Variants in MARCHF1 observed in about 807,000 individuals in gnomAD.
MARCHF1 encodes E3 ubiquitin-protein ligase MARCHF1.
MARCHF1 carries 40 observed loss-of-function variants against 54.2 expected under a neutral mutation model. That is an observed-to-expected ratio of 0.74 (90% CI 0.57 to 0.96). The LOEUF is 0.96. Ranked by LOEUF, MARCHF1 falls within the 40% of genes least tolerant of loss-of-function variation. The pLI, the probability that MARCHF1 is intolerant of heterozygous loss-of-function variation, is 0.00. For missense variants in MARCHF1, 586 were observed against 656.5 expected, an observed-to-expected ratio of 0.89 and a Z score of 1.17; for synonymous variants, 236 against 236.3, an observed-to-expected ratio of 1.00 and a Z score of 0.01.
chr4:164,318,607 A>G lies in MARCHF1; in HGVS notation c.-323+65263T>C, dbSNP rs1735060871. 3.9e-5 allele frequency among the ~76,000 whole-genome samples: 6 copies of G among 152,356 alleles called. No homozygotes were observed. In the South Asian group the frequency reaches 1.2e-3, roughly 32 times the overall value. ...ATTGCTTTGAGTTTCATACAATGAA[A>G]AACAAGGATAATTGGCCTATAGAAA... is the stretch of plus-strand genomic sequence containing the variant. On this transcript the variant is annotated intron_variant, in intron 1 of 9. Coordinates refer to ENST00000514618, the MANE Select transcript of MARCHF1 (RefSeq NM_001394959.1).
chr4:163,827,208 C>T (rs762380595), intron 4 of MARCHF1, among the ~76,000 whole-genome samples: 3 of 152,082 alleles, frequency 2.0e-5, no homozygotes, highest in Non-Finnish European at 4.4e-5. Context: ...TTGAACCTCT[C>T]TGAAACATAT....
At chr4:163,798,793 G>A (rs1307725454) in intron 4 of MARCHF1, among the ~76,000 whole-genome samples, 1 of 151,950 alleles carries the variant, frequency 6.6e-6, no homozygotes, top group Non-Finnish European at 1.5e-5. Context: ...CATAACAAGG[G>A]AATGGAAAAA....
At chr4:164,046,438 T>C (rs755366755) in intron 2 of MARCHF1, among the ~76,000 whole-genome samples, 3 of 152,196 alleles carry the variant, frequency 2.0e-5, no homozygotes, top group Non-Finnish European at 2.9e-5. Context: ...TTGATAAAAA[T>C]TAAAACTATT....
chr4:164,077,574 A>G (rs1182463197), intron 2 of MARCHF1, among the ~76,000 whole-genome samples: 1 of 152,254 alleles, frequency 6.6e-6, no homozygotes, highest in African/African-American at 2.4e-5. Context: ...AAAAGAAAGT[A>G]GCATCAGAGT....
chr4:164,275,613 G>A (rs1399942191), intron 1 of MARCHF1, among the ~76,000 whole-genome samples: 4 of 152,152 alleles, frequency 2.6e-5, no homozygotes, highest in Non-Finnish European at 4.4e-5. Flanking sequence ...ATTCCATTCA[G>A]GTACTTAAAA....
At position 163,676,976 on chromosome 4, in the gene MARCHF1, C is replaced by CA. The variant is rs557685966; in HGVS notation, c.162+23836dup. Among the ~76,000 whole-genome samples the CA allele has an allele frequency of 1.8e-3, 279 of 151,406 alleles. 1 individual carries two copies. Among genetic ancestry groups the CA allele is most frequent in the African/African-American group, 6.6e-3 (271 of 41,278 alleles). On this transcript the variant is annotated intron_variant, in intron 5 of 9. Transcript: ENST00000514618. ...AAATAGAAGAAAATAGAATTTAAGG[C>CA]AAAAATATCACATGAGAAAACACTG...
chr4:163,621,383 T>C (rs7686093), intron 5 of MARCHF1, among the ~76,000 whole-genome samples: 15,865 of 152,134 alleles, frequency 0.1, 1,193 homozygotes, highest in East Asian at 0.33. Flanking sequence ...TAGCACAGCA[T>C]CTGGATGTCA....
intron 3 of MARCHF1, among the ~76,000 whole-genome samples, chr4:163,911,454 C>CT (rs1751186812): frequency 1.3e-5 from 2 of 152,156 alleles, no homozygotes; most frequent in Non-Finnish European, 2.9e-5. Flanking sequence ...AAAAGTTCTA[C>CT]AAGGCCTGAG....
chr4:164,113,171 G>A (rs999318967), intron 1 of MARCHF1, among the ~76,000 whole-genome samples: 1 of 151,754 alleles, frequency 6.6e-6, no homozygotes, highest in South Asian at 2.1e-4. Flanking sequence ...TAATGAAATT[G>A]GTATATTAAA....
At chr4:163,688,970 C>T (rs116193783) in intron 5 of MARCHF1, among the ~76,000 whole-genome samples, 1,593 of 152,192 alleles carry the variant, frequency 0.01, 25 homozygotes, top group African/African-American at 0.036. Context: ...TTAGTTTCTG[C>T]TTGGTATAAT....
intron 2 of MARCHF1, among the ~76,000 whole-genome samples, chr4:164,102,599 G>A (rs1231513698): frequency 6.6e-6 from 1 of 150,698 alleles, no homozygotes; most frequent in Non-Finnish European, 1.5e-5. Flanking sequence ...TGCCTTACAA[G>A]AGCTCCTGAA....
intron 2 of MARCHF1, among the ~76,000 whole-genome samples, chr4:163,990,466 C>T (rs1202331578): frequency 6.6e-6 from 1 of 152,062 alleles, no homozygotes; most frequent in East Asian, 1.9e-4. Flanking sequence ...CATATAGAGA[C>T]AAATCTCTTG....
intron 1 of MARCHF1, among the ~76,000 whole-genome samples, chr4:164,235,484 T>TAG (rs1452023803): frequency 2.0e-5 from 3 of 152,168 alleles, no homozygotes. Flanking sequence ...TGTCGTTTAC[T>TAG]TCTTAAGTTC....
intron 7 of MARCHF1, among the ~76,000 whole-genome samples, chr4:163,610,315 T>C (rs1741293722): frequency 6.6e-6 from 1 of 152,092 alleles, no homozygotes; most frequent in African/African-American, 2.4e-5. Flanking sequence ...ATGCTGCCTG[T>C]AGCATTTGCT....
At chr4:163,965,649 T>C (rs751791642) in intron 3 of MARCHF1, among the ~76,000 whole-genome samples, 2 of 152,090 alleles carry the variant, frequency 1.3e-5, no homozygotes, top group Non-Finnish European at 2.9e-5. Flanking sequence ...AGTTTATATG[T>C]TCACTCCTCA....
At chr4:164,075,003 C>T (rs976034006) in intron 2 of MARCHF1, among the ~76,000 whole-genome samples, 2 of 151,980 alleles carry the variant, frequency 1.3e-5, no homozygotes, top group Non-Finnish European at 2.9e-5. Flanking sequence ...AATGCTGACA[C>T]TATGTGCACA....
chr4:164,197,982 A>C (rs971760266), intron 1 of MARCHF1, among the ~76,000 whole-genome samples: 5 of 152,130 alleles, frequency 3.3e-5, no homozygotes, highest in Non-Finnish European at 7.3e-5. Flanking sequence ...ATAATTTGTG[A>C]ATACACAAGG....
intron 1 of MARCHF1, among the ~76,000 whole-genome samples, chr4:164,372,780 A>G (rs1268268991): frequency 1.3e-5 from 2 of 152,122 alleles, no homozygotes; most frequent in African/African-American, 4.8e-5. Context: ...TCAGTACTGA[A>G]AATTTTAAAA....
intron 2 of MARCHF1, among the ~76,000 whole-genome samples, chr4:164,099,144 C>T (rs978890315): frequency 6.6e-6 from 1 of 152,112 alleles, no homozygotes; most frequent in African/African-American, 2.4e-5. Flanking sequence ...GCTGCATAAA[C>T]AAACAGTCTG....
Sources: allele counts gnomAD v4.1 joint callset (sites outside exome capture counted in the v4.1 genomes callset), GRCh38; gene constraint gnomAD v4.1.1; transcripts MANE v1.5; gene names NCBI Gene and HGNC (gene_info 2026-07-23, HGNC 2026-07-21).